PCDH8: variants seen among roughly 807,000 people sequenced by gnomAD.
PCDH8 encodes the protein protocadherin 8.
A neutral mutation model predicts 58.2 loss-of-function variants in PCDH8; 36 were observed. The observed-to-expected ratio is 0.62, with a 90% CI of 0.47 to 0.82. PCDH8 has a LOEUF of 0.82. PCDH8 is among the 40% of genes least tolerant of loss of function. PCDH8 has a pLI of 0.00. For missense variants in PCDH8, 1,493 were observed against 1,567.8 expected, an observed-to-expected ratio of 0.95 and a Z score of 0.81; for synonymous variants, 775 against 728.9, an observed-to-expected ratio of 1.06 and a Z score of -1.02.
Position 52,846,619 on chromosome 13 carries a change from C to G in PCDH8, c.1818G>C (p.Ala606=), listed in dbSNP as rs757720288. The part of the protein sequence containing the change: ...QVRVLDQNDH[A]PVLVHPAPAN... Reference sequence around the variant, plus strand: ...CTGGCGCCGGGTGCACCAGGACTGGCGCATGGTCGTTCTGGTCCAGCACGC... The same window carrying G: ...CTGGCGCCGGGTGCACCAGGACTGGGGCATGGTCGTTCTGGTCCAGCACGC... Residue 606 remains alanine, a synonymous_variant, in exon 1 of 3, where the codon GCG becomes GCC. Coordinates refer to ENST00000377942, the MANE Select transcript of PCDH8 (RefSeq NM_002590.4). 1.2e-6 allele frequency: 2 copies of G among 1,605,290 alleles called. No individual in the cohort carries two copies. Among genetic ancestry groups the G allele is most frequent in the Non-Finnish European group, 1.7e-6 (2 of 1,178,498 alleles).
rs569376094 is a variant in PCDH8 at position 52,844,362 on chromosome 13, G to T, written c.*198C>A. ...AATAGCATAAGAAAAATTAAATACT[G>T]CACACATTTCATAAAAATTACATTA... On this transcript the variant is annotated 3_prime_UTR_variant, in exon 3 of 3. Transcript: ENST00000377942. 22 of 450,462 alleles carry T rather than the reference G, an allele frequency of 4.9e-5. 1 individual carries two copies. Among genetic ancestry groups the T allele is most frequent in the Admixed American group, 2.7e-4 (7 of 25,832 alleles). 27.9% of individuals were successfully genotyped at this position (450,462 alleles called of 1,614,324 possible).
chr13:52,847,813 C>T lies in PCDH8; in HGVS notation c.624G>A (p.Gln208=). 6.7e-7 allele frequency: 1 copy of T among 1,486,356 alleles called. No homozygotes were observed. The highest frequency in any genetic ancestry group is 8.9e-7 in the Non-Finnish European group (1 of 1,125,914). The allele number at this position is 1,486,356 out of a possible 1,614,324, so 92.1% of individuals were successfully genotyped here. ...VLLQELDRES[Q]AAYSLELVAQ... is the part of the protein sequence containing the mutation. ...CCACCAGCTCCAGGCTGTAGGCGGC[C>T]TGGCTCTCGCGGTCCAGCTCCTGCA... The change falls in exon 1 of 3, where the codon CAG becomes CAA. Residue 208 remains glutamine (Q), a synonymous_variant. Coordinates refer to ENST00000377942, the MANE Select transcript of PCDH8 (RefSeq NM_002590.4).
rs1049765204 is a variant in PCDH8 at position 52,846,022 on chromosome 13, C to T, written c.2415G>A (p.Pro805=). The change falls in exon 1 of 3, where the codon CCG becomes CCA. Residue 805 remains proline (P), a synonymous_variant. Transcript: ENST00000377942. ...GCCCGGCTCCCCGGGCGGCCTCCTC[C>T]GGGGAGCCGGGAGCCGAGGCTCCGC... ...AGGGASAPGS[P]EEAARGAGPR... 5.4e-6 allele frequency: 8 copies of T among 1,481,860 alleles called. No homozygotes were observed. Among genetic ancestry groups the T allele is most frequent in the African/African-American group, 4.4e-5 (3 of 67,662 alleles). 91.8% of individuals were successfully genotyped at this position (1,481,860 alleles called of 1,614,324 possible).
rs750432908 is a variant in PCDH8 at position 52,846,980 on chromosome 13, C to T, written c.1457G>A (p.Arg486His). The T allele has an allele frequency of 1.9e-5, 31 of 1,593,868 alleles. No homozygotes were observed. Among genetic ancestry groups the T allele is most frequent in the Non-Finnish European group, 2.0e-5 (24 of 1,173,316 alleles). Residue 486 changes from arginine (R) to histidine (H), a missense_variant, in exon 1 of 3, where the codon CGT becomes CAT. By Grantham distance (29) the Arg-to-His change is conservative (BLOSUM62 0). This residue lies in a region of PCDH8 where 1,307 missense variants were observed against 1,362.7 expected (regional missense o/e 0.96). Coordinates refer to ENST00000377942, the MANE Select transcript of PCDH8 (RefSeq NM_002590.4). ...PLRTVRPYTV[R>H]VGDENDNAPL... Reference sequence around the variant, plus strand: ...CGCGTTGTCGTTCTCGTCGCCCACACGCACCGTGTAGGGCCGCACTGTGCG... The same window carrying T: ...CGCGTTGTCGTTCTCGTCGCCCACATGCACCGTGTAGGGCCGCACTGTGCG...
At position 52,845,420 on chromosome 13, in the gene PCDH8, C is replaced by G. The variant is rs1437163631; in HGVS notation, c.2839+5G>C. 6.2e-7 allele frequency: 1 copy of G among 1,612,750 alleles called. No homozygotes were observed. The highest frequency in any genetic ancestry group is 1.1e-5 in the South Asian group (1 of 91,062). On this transcript the variant is annotated splice_donor_5th_base_variant and intron_variant, in intron 2 of 2. Coordinates refer to ENST00000377942, the MANE Select transcript of PCDH8 (RefSeq NM_002590.4). ...CCGAATTTGGCGGGAAAGAAGAGTC[C>G]TCACCACTCTGCATGTGGTTGATGA...
rs779259094 is a variant in PCDH8, at chr13:52,845,888, G to T, written c.2549C>A (p.Pro850Gln). The T allele has an allele frequency of 1.3e-6, 2 of 1,487,894 alleles. No homozygotes were observed. The highest frequency in any genetic ancestry group is 5.3e-5 in the East Asian group (2 of 37,392). 92.2% of individuals were successfully genotyped at this position (1,487,894 alleles called of 1,614,324 possible). A position where few individuals can be genotyped will look rare whatever the true frequency, so the allele number is the denominator to read the frequency against. ...PPPAVAAAEVPGSEGGSATGE... is the reference protein window; with the variant it reads ...PPPAVAAAEVQGSEGGSATGE... ...AGTGGCGCTGCCGCCCTCTGAGCCC[G>T]GCACTTCGGCCGCGGCGACCGCAGG... The change falls in exon 1 of 3, where the codon CCG (proline) becomes CAG (glutamine). Residue 850 changes from proline to glutamine, a missense_variant. Around this residue, in one of 3 missense-constraint regions of PCDH8, gnomAD observed 1,307 missense variants for 1,362.7 expected, o/e 0.96. Coordinates refer to ENST00000377942, the MANE Select transcript of PCDH8 (RefSeq NM_002590.4).
In PCDH8 at chr13:52,847,401, C is replaced by A. The variant is rs1356195263; in HGVS notation, c.1036G>T (p.Asp346Tyr). Residue 346 changes from aspartate to tyrosine, a missense_variant, in exon 1 of 3, where the codon GAC (aspartate) becomes TAC (tyrosine). Around this residue, in one of 3 missense-constraint regions of PCDH8, gnomAD observed 1,307 missense variants for 1,362.7 expected, o/e 0.96. Transcript: ENST00000377942. ...ATCKVIVRIR[D>Y]VNDNAPDIAI... is the part of the protein sequence containing the mutation. ...ATGTCGGGTGCGTTGTCATTGACGT[C>A]TCGGATGCGCACGATGACCTTGCAG... 1.3e-6 allele frequency: 2 copies of A among 1,567,248 alleles called. No individual in the cohort carries two copies. The highest frequency in any genetic ancestry group is 1.7e-6 in the Non-Finnish European group (2 of 1,164,668).
chr13:52,846,645 G>A lies in PCDH8; in HGVS notation c.1792C>T (p.Arg598Cys), dbSNP rs772666214. The A allele has an allele frequency of 1.9e-6, 3 of 1,603,428 alleles. No individual in the cohort carries two copies. The highest frequency in any genetic ancestry group is 1.3e-5 in the African/African-American group (1 of 74,752). Residue 598 changes from arginine to cysteine, a missense_variant, in exon 1 of 3, where the codon CGC becomes TGC. This residue lies in a region of PCDH8 where 1,307 missense variants were observed against 1,362.7 expected (regional missense o/e 0.96). Transcript: ENST00000377942. ...QLSSSALVQVRVLDQNDHAPV... is the reference protein window; with the variant it reads ...QLSSSALVQVCVLDQNDHAPV... ...GCATGGTCGTTCTGGTCCAGCACGC[G>A]CACTTGCACTAGGGCGCTGCTGGAA...
Position 52,847,231 on chromosome 13 carries a change from C to G in PCDH8, c.1206G>C (p.Pro402=). 2 of 1,395,216 alleles carry G rather than the reference C, an allele frequency of 1.4e-6. No individual in the cohort carries two copies. The highest frequency in any genetic ancestry group is 1.8e-6 in the Non-Finnish European group (2 of 1,082,018). 86.4% of individuals were successfully genotyped at this position (1,395,216 alleles called of 1,614,324 possible). The change falls in exon 1 of 3, where the codon CCG becomes CCC. Residue 402 remains proline (P), a synonymous_variant. Coordinates refer to ENST00000377942, the MANE Select transcript of PCDH8 (RefSeq NM_002590.4). Reference sequence around the variant, plus strand: ...CCAGGCTCTCGCGCGCCGCCCCCTCCGGCACCAGCGAAGTGGCACCAGCCT... The same window carrying G: ...CCAGGCTCTCGCGCGCCGCCCCCTCGGGCACCAGCGAAGTGGCACCAGCCT... The part of the protein sequence containing the change: ...TPEAGATSLV[P]EGAARESLVA...
Position 52,844,896 on chromosome 13 carries a change from G to A in PCDH8, c.2877C>T (p.Gly959=). ...ATGGGCTCCAGCAGCGGTCAGAGTG[G>A]CCCAGGATCTTACACTCAGCGGTGC... The part of the protein sequence containing the change: ...WACTAECKIL[G]HSDRCWSPSC... The change falls in exon 3 of 3, where the codon GGC becomes GGT. Residue 959 remains glycine (G), a synonymous_variant. Transcript: ENST00000377942. 2.6e-6 allele frequency: 4 copies of A among 1,559,252 alleles called. No individual in the cohort carries two copies. Among genetic ancestry groups the A allele is most frequent in the Non-Finnish European group, 3.5e-6 (4 of 1,151,978 alleles).
Position 52,848,133 on chromosome 13 carries a change from A to G in PCDH8, c.304T>C (p.Cys102Arg). 1 of 1,612,642 alleles carries G rather than the reference A, an allele frequency of 6.2e-7. No individual in the cohort carries two copies. The highest frequency in any genetic ancestry group is 8.5e-7 in the Non-Finnish European group (1 of 1,179,760). ...CTGACCACATCGAAGGCCAGCACGCACTGCGGGGCCTGGCCACACAGCCGC... is the reference window on the plus strand; with the variant it reads ...CTGACCACATCGAAGGCCAGCACGCGCTGCGGGGCCTGGCCACACAGCCGC... ...RERLCGQAPQ[C>R]VLAFDVVSFS... The change falls in exon 1 of 3, where the codon TGC becomes CGC. Residue 102 changes from cysteine (C) to arginine (R), a missense_variant. Physicochemically the swap from Cys to Arg is radical, Grantham distance 180. This residue lies in a region of PCDH8 where 1,307 missense variants were observed against 1,362.7 expected (regional missense o/e 0.96). Coordinates refer to ENST00000377942, the MANE Select transcript of PCDH8 (RefSeq NM_002590.4).
intron 2 of PCDH8, 146 bp from the exon 3 acceptor site, chr13:52,845,079 G>A: frequency 1.1e-6 from 1 of 892,588 alleles, no homozygotes; most frequent in Non-Finnish European, 1.7e-6. Context: ...CTCAAGAATC[G>A]AAGGCACATT....
rs1172612628 is a variant in PCDH8, at chr13:52,848,463, A to C, written c.-27T>G. The C allele has an allele frequency of 6.5e-7, 1 of 1,547,816 alleles. No individual in the cohort carries two copies. The highest frequency in any genetic ancestry group is 8.7e-7 in the Non-Finnish European group (1 of 1,151,908). On this transcript the variant is annotated 5_prime_UTR_variant, in exon 1 of 3. Coordinates refer to ENST00000377942, the MANE Select transcript of PCDH8 (RefSeq NM_002590.4). ...CCTCCAGCCTCAAGTGCGATCCGAAAGGCTAAGGAAGTCTTCTCTGGTTTC... is the reference window on the plus strand; with the variant it reads ...CCTCCAGCCTCAAGTGCGATCCGAACGGCTAAGGAAGTCTTCTCTGGTTTC...
intron 2 of PCDH8, 134 bp from the exon 3 acceptor site, chr13:52,845,067 G>A (rs1965708769): frequency 3.1e-6 from 3 of 966,628 alleles, no homozygotes; most frequent in Non-Finnish European, 4.6e-6. Context: ...TATACACCGT[G>A]TCTCAAGAAT....
At position 52,846,986 on chromosome 13, in the gene PCDH8, G is replaced by A. The variant is rs200547926; in HGVS notation, c.1451C>T (p.Thr484Met). The change falls in exon 1 of 3, where the codon ACG becomes ATG. Residue 484 changes from threonine to methionine, a missense_variant. Around this residue, in one of 3 missense-constraint regions of PCDH8, gnomAD observed 1,307 missense variants for 1,362.7 expected, o/e 0.96. Coordinates refer to ENST00000377942, the MANE Select transcript of PCDH8 (RefSeq NM_002590.4). ...APPLRTVRPYTVRVGDENDNA... is the reference protein window; with the variant it reads ...APPLRTVRPYMVRVGDENDNA... ...GTCGTTCTCGTCGCCCACACGCACC[G>A]TGTAGGGCCGCACTGTGCGCAGCGG... The A allele has an allele frequency of 1.9e-6, 3 of 1,591,586 alleles. No individual in the cohort carries two copies. The highest frequency in any genetic ancestry group is 1.7e-5 in the Admixed American group (1 of 58,094).
chr13:52,845,991 GCCTGGGCCCGGCTCCCCGGGCGGC>G lies in PCDH8; in HGVS notation c.2422_2445del (p.Ala808_Arg815del). On this transcript the variant is annotated inframe_deletion, in exon 1 of 3. Transcript: ENST00000377942. ...AAGGTGAGCACGTCGAACATGTTGG[GCCTGGGCCCGGCTCCCCGGGCGGC>G]CTCCTCCGGGGAGCCGGGAGCCGAG... The G allele has an allele frequency of 6.8e-7, 1 of 1,475,594 alleles. No homozygotes were observed. Among genetic ancestry groups the G allele is most frequent in the Non-Finnish European group, 8.9e-7 (1 of 1,127,798 alleles). The allele number at this position is 1,475,594 out of a possible 1,614,324, so 91.4% of individuals were successfully genotyped here. A position where few individuals can be genotyped will look rare whatever the true frequency, so the allele number is the denominator to read the frequency against.
In PCDH8 at chr13:52,847,554, G is replaced by C; in HGVS notation, c.883C>G (p.Arg295Gly). The change falls in exon 1 of 3, where the codon CGC becomes GGC. Residue 295 changes from arginine (R) to glycine (G), a missense_variant. Transcript: ENST00000377942. ...GATCGCGGGTCAAGCCGAAAGAGGCGGCGCGCCTCCGGCGGGGTGCGGGCG... is the reference window on the plus strand; with the variant it reads ...GATCGCGGGTCAAGCCGAAAGAGGCCGCGCGCCTCCGGCGGGGTGCGGGCG... ...FGARTPPEARRLFRLDPRSGR... is the reference protein window; with the variant it reads ...FGARTPPEARGLFRLDPRSGR... The C allele has an allele frequency of 6.4e-7, 1 of 1,570,128 alleles. No individual in the cohort carries two copies. The highest frequency in any genetic ancestry group is 1.4e-5 in the African/African-American group (1 of 72,728).
rs1297900212 is a variant in PCDH8, at chr13:52,845,439, T to C, written c.2825A>G (p.Asn942Ser). Residue 942 changes from asparagine (N) to serine (S), a missense_variant, in exon 2 of 3, where the codon AAC (asparagine) becomes AGC (serine). Coordinates refer to ENST00000377942, the MANE Select transcript of PCDH8 (RefSeq NM_002590.4). Reference sequence around the variant, plus strand: ...AGAGTCCTCACCACTCTGCATGTGGTTGATGAGATCCTTTTTCAGAGCGTC... The same window carrying C: ...AGAGTCCTCACCACTCTGCATGTGGCTGATGAGATCCTTTTTCAGAGCGTC... ...SGDALKKDLI[N>S]HMQSGLWACT... 1.2e-6 allele frequency: 2 copies of C among 1,614,198 alleles called. No homozygotes were observed. Among genetic ancestry groups the C allele is most frequent in the East Asian group, 2.2e-5 (1 of 44,870 alleles).
Position 52,847,902 on chromosome 13 carries a change from T to C in PCDH8, c.535A>G (p.Ser179Gly). The C allele has an allele frequency of 1.9e-6, 3 of 1,580,210 alleles. No individual in the cohort carries two copies. The highest frequency in any genetic ancestry group is 2.6e-6 in the Non-Finnish European group (3 of 1,166,872). The stretch of plus-strand genomic sequence containing the variant: ...GTCTGCAGCTCCACGCGAAAGGGGC[T>C]GTGCGGCTCGGCCAGGCGCACGGTC... ...LQTVRLAEPH[S>G]PFRVELQTRA... Residue 179 changes from serine (S) to glycine (G), a missense_variant, in exon 1 of 3, where the codon AGC (serine) becomes GGC (glycine). By Grantham distance (56) the Ser-to-Gly change is moderately conservative. Transcript: ENST00000377942.
Sources: allele counts gnomAD v4.1 joint callset, GRCh38; gene constraint gnomAD v4.1.1; regional missense constraint gnomAD v4.1.1; transcripts MANE v1.5; gene names NCBI Gene and HGNC (gene_info 2026-07-23, HGNC 2026-07-21).